The following BBX variants were observed in gnomAD, a reference collection of about 807,000 sequenced individuals.
BBX encodes the protein HMG box transcription factor BBX.
A neutral mutation model predicts 100.2 loss-of-function variants in BBX; 30 were observed. That is an observed-to-expected ratio of 0.30 (90% confidence interval 0.22 to 0.41). The LOEUF (loss-of-function observed/expected upper bound fraction) is 0.41. Ranked by LOEUF, BBX falls within the 10% of genes least tolerant of loss-of-function variation. The probability of loss-of-function intolerance (pLI) is 1.00; values close to 1 mark genes in which losing one functional copy is unlikely to be tolerated. For missense variants in BBX, 1,023 were observed against 1,129.8 expected (o/e 0.91, Z 1.35); for synonymous variants, 376 against 388.1 (o/e 0.97, Z 0.37).
chr3:107,775,661 C>G (rs1029897293), intron 12 of BBX, among the ~76,000 whole-genome samples: 1 of 152,078 alleles, frequency 6.6e-6, no homozygotes, highest in Non-Finnish European at 1.5e-5. Context: ...GTGTTTAAAG[C>G]TATGCAAATT....
intron 3 of BBX, among the ~76,000 whole-genome samples, chr3:107,661,605 AC>A (rs2058447605): frequency 2.0e-5 from 3 of 152,336 alleles, no homozygotes; most frequent in Admixed American, 2.0e-4. Context: ...AGCACCTATT[AC>A]ATGAGTAAAT....
intron 5 of BBX, among the ~76,000 whole-genome samples, chr3:107,725,494 A>G (rs1411821635): frequency 2.0e-5 from 3 of 152,272 alleles, no homozygotes; most frequent in Non-Finnish European, 4.4e-5. Context: ...GCCAGTTTTC[A>G]AAGGGAATGC....
Position 107,801,202 on chromosome 3 carries a change from A to T in BBX, c.2659A>T (p.Thr887Ser), listed in dbSNP as rs147247035. 8 of 1,614,034 alleles carry T rather than the reference A, an allele frequency of 5.0e-6. No homozygotes were observed. Among genetic ancestry groups the T allele is most frequent in the Non-Finnish European group, 6.8e-6 (8 of 1,180,030 alleles). The change falls in exon 17 of 18, where the codon ACT (threonine) becomes TCT (serine). Residue 887 changes from threonine (T) to serine (S), a missense_variant. Physicochemically the swap from Thr to Ser is moderately conservative, Grantham distance 58. Coordinates refer to ENST00000325805, the MANE Select transcript of BBX (RefSeq NM_001142568.3). ...NTEVGETRSSTPEMPAVSAFF... is the reference protein window; with the variant it reads ...NTEVGETRSSSPEMPAVSAFF... ...CGAGGTCGGGGAGACGCGGAGCAGT[A>T]CTCCAGAAATGCCTGCCGTGTCTGC...
At chr3:107,700,033 G>T (rs189408766) in intron 3 of BBX, among the ~76,000 whole-genome samples, 1 of 152,082 alleles carries the variant, frequency 6.6e-6, no homozygotes, top group African/African-American at 2.4e-5. Flanking sequence ...CCTGGTTCTT[G>T]GATCCTAGCT....
intron 3 of BBX, among the ~76,000 whole-genome samples, chr3:107,682,695 C>T (rs1284487094): frequency 6.6e-6 from 1 of 152,110 alleles, no homozygotes; most frequent in Non-Finnish European, 1.5e-5. Flanking sequence ...TGTATGTAGT[C>T]AAGTAAATGC....
chr3:107,542,844 A>G (rs1399798720), intron 2 of BBX, among the ~76,000 whole-genome samples: 1 of 151,838 alleles, frequency 6.6e-6, no homozygotes, highest in African/African-American at 2.4e-5. Flanking sequence ...CATTCATACC[A>G]CTCCACAATG....
At chr3:107,735,462 AC>A (rs2063574498) in intron 7 of BBX, among the ~76,000 whole-genome samples, 1 of 152,124 alleles carries the variant, frequency 6.6e-6, no homozygotes, top group Non-Finnish European at 1.5e-5. Context: ...GTCTAATCAT[AC>A]TGGCTTTTAA....
chr3:107,751,166 G>A (rs1175183677), intron 9 of BBX, among the ~76,000 whole-genome samples: 1 of 152,296 alleles, frequency 6.6e-6, no homozygotes, highest in East Asian at 1.9e-4. Flanking sequence ...GAAGGGTCAA[G>A]AGAGGAAGGG....
At chr3:107,724,704 G>T (rs1387916549) in intron 5 of BBX, among the ~76,000 whole-genome samples, 4 of 152,166 alleles carry the variant, frequency 2.6e-5, no homozygotes, top group Non-Finnish European at 5.9e-5. Flanking sequence ...GTTTGTCAAA[G>T]ATCAGATAGT....
chr3:107,684,357 G>A (rs2059725103), intron 3 of BBX, among the ~76,000 whole-genome samples: 1 of 152,116 alleles, frequency 6.6e-6, no homozygotes, highest in Admixed American at 6.5e-5. Context: ...CTATGTTTCA[G>A]TTTAAGGTCT....
chr3:107,739,527 C>G (rs1202957792), intron 7 of BBX, among the ~76,000 whole-genome samples: 1 of 152,160 alleles, frequency 6.6e-6, no homozygotes, highest in African/African-American at 2.4e-5. Context: ...TAATTGGGTC[C>G]TTTTACCCAG....
chr3:107,620,582 T>C (rs2055668473), intron 2 of BBX, among the ~76,000 whole-genome samples: 2 of 152,230 alleles, frequency 1.3e-5, no homozygotes, highest in African/African-American at 4.8e-5. Flanking sequence ...TATTGCAAGA[T>C]GAGAAGTCTA....
At chr3:107,715,847 A>G (rs2062063318) in intron 4 of BBX, among the ~76,000 whole-genome samples, 1 of 152,258 alleles carries the variant, frequency 6.6e-6, no homozygotes, top group Non-Finnish European at 1.5e-5. Flanking sequence ...AATGAAGTGT[A>G]GGATAAAAGA....
intron 3 of BBX, among the ~76,000 whole-genome samples, chr3:107,692,138 G>T (rs1055671901): frequency 2.7e-5 from 4 of 150,596 alleles, no homozygotes; most frequent in African/African-American, 9.8e-5. Flanking sequence ...TTAGATATCA[G>T]GATGATAGAA....
intron 2 of BBX, among the ~76,000 whole-genome samples, chr3:107,535,365 C>T (rs1434228055): frequency 6.6e-6 from 1 of 152,038 alleles, no homozygotes; most frequent in East Asian, 1.9e-4. Context: ...TGTAAATTTT[C>T]ATCTGTAAGA....
chr3:107,662,615 A>G (rs1469524207), intron 3 of BBX: 2 of 151,840 alleles, frequency 1.3e-5, no homozygotes, highest in South Asian at 2.1e-4. Context: ...ATAAACTGAA[A>G]TAGTAAGCTG....
intron 3 of BBX, among the ~76,000 whole-genome samples, chr3:107,673,701 A>G (rs942985688): frequency 6.6e-6 from 1 of 152,128 alleles, no homozygotes; most frequent in Non-Finnish European, 1.5e-5. Flanking sequence ...ACCCACTTCA[A>G]GTTTTTTTTT....
chr3:107,603,385 A>G (rs1342950458), intron 2 of BBX, among the ~76,000 whole-genome samples: 1 of 148,280 alleles, frequency 6.7e-6, no homozygotes, highest in Non-Finnish European at 1.5e-5. Flanking sequence ...TTTTTTATTT[A>G]TTTATTTTTT....
intron 7 of BBX, among the ~76,000 whole-genome samples, chr3:107,739,873 GT>G (rs569764227): frequency 1.5e-3 from 230 of 152,302 alleles, no homozygotes; most frequent in African/African-American, 5.0e-3. Flanking sequence ...GGTGATCGGA[GT>G]TATCTCAATT....
Sources: gnomAD v4.1 joint callset for allele counts (sites outside exome capture counted in the v4.1 genomes callset) on GRCh38, gnomAD v4.1.1 for gene constraint, MANE v1.5 for transcripts, NCBI Gene and HGNC (gene_info 2026-07-23, HGNC 2026-07-21) for gene names.